The following PHACTR1 variants were observed in gnomAD, a reference collection of about 807,000 sequenced individuals.
The protein encoded by PHACTR1 is phosphatase and actin regulator 1.
Under a neutral mutation model 69.2 loss-of-function variants are expected in PHACTR1, and 16 were observed. The ratio of observed to expected loss-of-function variants is 0.23; its 90% CI spans 0.16 to 0.35. The LOEUF (loss-of-function observed/expected upper bound fraction) is 0.35, where lower values mean the gene tolerates loss of function less well. PHACTR1 is among the 10% of genes least tolerant of loss of function. The pLI is 1.00. For missense variants in PHACTR1, 510 were observed against 734.7 expected (o/e 0.69, Z 3.54); for synonymous variants, 312 against 284.5 (o/e 1.10, Z -0.97).
At chr6:13,267,390 T>G (rs68050381) in intron 10 of PHACTR1, 29,777 of 152,170 alleles carry the variant, frequency 0.2, 3,074 homozygotes, top group South Asian at 0.37. Context: ...CTCCAGGGAA[T>G]AGAGTCAATG....
chr6:13,158,608 G>T (rs1758530851), intron 5 of PHACTR1, among the ~76,000 whole-genome samples: 1 of 152,188 alleles, frequency 6.6e-6, no homozygotes, highest in Admixed American at 6.5e-5. Context: ...GTGATTCTCA[G>T]CCGAGTCATG....
chr6:13,167,341 T>C (rs1759951440), intron 6 of PHACTR1, among the ~76,000 whole-genome samples: 2 of 152,264 alleles, frequency 1.3e-5, no homozygotes, highest in Non-Finnish European at 2.9e-5. Context: ...GCCTCAATTC[T>C]ACCACAGTGT....
At chr6:13,239,869 C>T (rs973122335) in intron 10 of PHACTR1, among the ~76,000 whole-genome samples, 2 of 152,192 alleles carry the variant, frequency 1.3e-5, no homozygotes, top group South Asian at 2.1e-4. Context: ...AGCCCAGTAC[C>T]GCATGTTGAG....
At chr6:13,151,243 T>A (rs891338886) in intron 5 of PHACTR1, among the ~76,000 whole-genome samples, 1 of 152,210 alleles carries the variant, frequency 6.6e-6, no homozygotes, top group Non-Finnish European at 1.5e-5. Flanking sequence ...AGCAGAGAAT[T>A]CAACAGAGAT....
rs565686849 is a variant in PHACTR1 at position 13,209,015 on chromosome 6, T to C, written c.986+2879T>C. 2.6e-5 allele frequency among the ~76,000 whole-genome samples: 4 copies of C among 152,240 alleles called. No individual in the cohort carries two copies. The South Asian group carries it at 8.3e-4, about 32-fold the overall frequency. On this transcript the variant is annotated intron_variant, in intron 8 of 14. Coordinates refer to ENST00000332995, the MANE Select transcript of PHACTR1 (RefSeq NM_030948.6). ...TCGAGGTCAAAGCATAGGGTTGTCC[T>C]AACAGACCAACCAGGCTGCAGAGAT...
chr6:12,829,153 A>G (rs1777133570), intron 4 of PHACTR1, among the ~76,000 whole-genome samples: 1 of 152,236 alleles, frequency 6.6e-6, no homozygotes, highest in African/African-American at 2.4e-5. Flanking sequence ...GCAATTTGGA[A>G]TAGAAGCAAG....
chr6:13,074,596 A>G (rs1810117679), intron 5 of PHACTR1, among the ~76,000 whole-genome samples: 1 of 152,272 alleles, frequency 6.6e-6, no homozygotes. Context: ...GAGGAAGGCC[A>G]TGCCCAGAAG....
chr6:13,075,846 C>T (rs1008083226), intron 5 of PHACTR1, among the ~76,000 whole-genome samples: 3 of 152,066 alleles, frequency 2.0e-5, no homozygotes, highest in African/African-American at 7.2e-5. Context: ...CCTCCGACTC[C>T]CTGCAGCAAG....
intron 5 of PHACTR1, among the ~76,000 whole-genome samples, chr6:13,159,769 G>A (rs1173851922): frequency 6.6e-6 from 1 of 152,068 alleles, no homozygotes; most frequent in East Asian, 1.9e-4. Flanking sequence ...ATGAAACCCC[G>A]TCTCTACTAA....
At chr6:12,794,286 A>G (rs942056396) in intron 4 of PHACTR1, among the ~76,000 whole-genome samples, 1 of 152,262 alleles carries the variant, frequency 6.6e-6, no homozygotes, top group African/African-American at 2.4e-5. Context: ...TTTTATAAAG[A>G]TACAGTGGAG....
At chr6:13,127,978 A>G (rs1242416393) in intron 5 of PHACTR1, among the ~76,000 whole-genome samples, 1 of 151,752 alleles carries the variant, frequency 6.6e-6, no homozygotes, top group Non-Finnish European at 1.5e-5. Context: ...AGGGGAAGCA[A>G]ACATATCCTT....
chr6:13,164,835 T>A (rs1356659543), intron 6 of PHACTR1, among the ~76,000 whole-genome samples: 1 of 152,220 alleles, frequency 6.6e-6, no homozygotes, highest in Non-Finnish European at 1.5e-5. Context: ...TGAATTTAAT[T>A]CAGGCAAAAT....
intron 5 of PHACTR1, among the ~76,000 whole-genome samples, chr6:13,131,010 A>G (rs1368984815): frequency 6.6e-6 from 1 of 152,162 alleles, no homozygotes; most frequent in Admixed American, 6.5e-5. Flanking sequence ...AACATATACA[A>G]GTGAATAAAT....
intron 5 of PHACTR1, among the ~76,000 whole-genome samples, chr6:13,088,742 T>G (rs1470619542): frequency 6.6e-6 from 1 of 152,190 alleles, no homozygotes; most frequent in Non-Finnish European, 1.5e-5. Flanking sequence ...GTCACAAACT[T>G]GTCCCCATAG....
chr6:13,181,201 C>T (rs1466667665), intron 6 of PHACTR1, among the ~76,000 whole-genome samples: 3 of 99,146 alleles, frequency 3.0e-5, no homozygotes, highest in African/African-American at 7.8e-5. Context: ...TCTAATCGGG[C>T]GGGGGTGGGC....
chr6:12,907,210 A>C (rs1785839137), intron 4 of PHACTR1, among the ~76,000 whole-genome samples: 1 of 152,226 alleles, frequency 6.6e-6, no homozygotes, highest in Non-Finnish European at 1.5e-5. Flanking sequence ...TTGGTTAGTC[A>C]ACTGTCTGGG....
At position 13,088,306 on chromosome 6, in the gene PHACTR1, C is replaced by T. The variant is rs944085145; in HGVS notation, c.415+34777C>T. On this transcript the variant is annotated intron_variant, in intron 5 of 14. Transcript: ENST00000332995. The stretch of plus-strand genomic sequence containing the variant: ...TTGACAGTTCTATTTCCCCCCACCA[C>T]GCCCCACTACCCCCCGCAAAAAAAA... 6.8e-5 allele frequency among the ~76,000 whole-genome samples: 10 copies of T among 147,580 alleles called. 1 individual carries two copies. In the East Asian group the frequency reaches 1.0e-3, roughly 15 times the overall value.
chr6:12,796,542 G>T (rs1020397152), intron 4 of PHACTR1, among the ~76,000 whole-genome samples: 14 of 152,180 alleles, frequency 9.2e-5, no homozygotes, highest in Admixed American at 6.5e-5. Context: ...GTCTTTAATT[G>T]ATAACCAATT....
intron 4 of PHACTR1, among the ~76,000 whole-genome samples, chr6:12,779,676 C>G (rs997750551): frequency 6.6e-6 from 1 of 152,152 alleles, no homozygotes; most frequent in Non-Finnish European, 1.5e-5. Context: ...TTTCCTGACC[C>G]CTTCTTGATC....
Sources: allele counts gnomAD v4.1 joint callset (sites outside exome capture counted in the v4.1 genomes callset), GRCh38; gene constraint gnomAD v4.1.1; transcripts MANE v1.5; gene names NCBI Gene and HGNC (gene_info 2026-07-23, HGNC 2026-07-21).